ZNF385D: variants seen among roughly 807,000 people sequenced by gnomAD.
ZNF385D encodes zinc finger protein 385D.
A neutral mutation model predicts 35.8 loss-of-function variants in ZNF385D; 15 were observed. The observed-to-expected ratio is 0.42, with a 90% CI of 0.28 to 0.64. ZNF385D has a LOEUF of 0.64. Ranked by LOEUF, ZNF385D falls within the 30% of genes least tolerant of loss-of-function variation. The pLI, the probability that ZNF385D is intolerant of heterozygous loss-of-function variation, is 0.23. For synonymous variants in ZNF385D, 212 were observed against 186.8 expected (o/e 1.13, Z -1.10); for missense variants, 474 against 494.6 (o/e 0.96, Z 0.39).
chr3:21,564,837 C>A (rs893727600), intron 2 of ZNF385D, among the ~76,000 whole-genome samples, 153 bp from the exon 3 acceptor site: 5 of 152,120 alleles, frequency 3.3e-5, no homozygotes, highest in Non-Finnish European at 7.4e-5. Flanking sequence ...AACATTTTTA[C>A]TTTCTTGGAA....
chr3:21,879,558 A>C (rs1003798012), intron 3 of ZNF385D, among the ~76,000 whole-genome samples: 1 of 151,998 alleles, frequency 6.6e-6, no homozygotes, highest in African/African-American at 2.4e-5. Context: ...ATTAAGATGA[A>C]TTTATTACTA....
intron 3 of ZNF385D, among the ~76,000 whole-genome samples, chr3:21,916,892 T>C (rs1700216642): frequency 6.6e-6 from 1 of 152,224 alleles, no homozygotes; most frequent in South Asian, 2.1e-4. Context: ...AATTACCCTA[T>C]GGAAAGATAT....
rs1700550210 is a variant in ZNF385D, at chr3:21,415,471, C to T, written c.*5743G>A. On this transcript the variant is annotated 3_prime_UTR_variant, in exon 8 of 8. Transcript: ENST00000281523. ...AATGCCCCAAAATGATTAAGACTCC[C>T]AAGTGTGACATTGGAGTTCCTTTTG... The T allele has an allele frequency of 1.3e-5, 2 of 152,034 alleles. No homozygotes were observed. Among genetic ancestry groups the T allele is most frequent in the African/African-American group, 4.8e-5 (2 of 41,408 alleles). The allele number at this position is 152,034 out of a possible 1,614,324, so 9.4% of individuals were successfully genotyped here.
intron 3 of ZNF385D, among the ~76,000 whole-genome samples, chr3:22,067,628 T>C (rs533931005): frequency 3.7e-4 from 56 of 152,330 alleles, no homozygotes; most frequent in Middle Eastern, 3.4e-3. Context: ...ATGTATGTTA[T>C]TATACAAACA....
chr3:21,780,374 C>T (rs2071442479), intron 3 of ZNF385D, among the ~76,000 whole-genome samples: 1 of 151,940 alleles, frequency 6.6e-6, no homozygotes, highest in South Asian at 2.1e-4. Context: ...TCACAGTTTA[C>T]TGAGTTTTCC....
intron 3 of ZNF385D, among the ~76,000 whole-genome samples, chr3:21,897,723 T>C (rs772767899): frequency 6.6e-6 from 1 of 152,134 alleles, no homozygotes; most frequent in South Asian, 2.1e-4. Context: ...CCCACCCTAG[T>C]TGCACAGTGG....
intron 2 of ZNF385D, among the ~76,000 whole-genome samples, chr3:21,566,329 A>G (rs901246737): frequency 6.6e-6 from 1 of 152,152 alleles, no homozygotes; most frequent in Non-Finnish European, 1.5e-5. Context: ...ACTTTTAGGT[A>G]TTAACAAATT....
chr3:22,320,331 C>CA (rs1694354725), intron 2 of ZNF385D, among the ~76,000 whole-genome samples: 2 of 151,992 alleles, frequency 1.3e-5, no homozygotes, highest in South Asian at 4.2e-4. Flanking sequence ...TAACTGGTCC[C>CA]AAATTCTTCC....
chr3:22,116,019 G>A (rs945148672), intron 3 of ZNF385D, among the ~76,000 whole-genome samples: 5 of 151,978 alleles, frequency 3.3e-5, no homozygotes, highest in Non-Finnish European at 7.4e-5. Context: ...CATCTCAGAA[G>A]CAGAATTAAC....
At chr3:22,161,847 A>G (rs1047937220) in intron 3 of ZNF385D, among the ~76,000 whole-genome samples, 2 of 152,186 alleles carry the variant, frequency 1.3e-5, no homozygotes, top group African/African-American at 4.8e-5. Context: ...ACCCAAATGT[A>G]TGGTATAATT....
intron 2 of ZNF385D, among the ~76,000 whole-genome samples, chr3:22,335,178 A>T (rs551779975): frequency 6.6e-6 from 1 of 152,256 alleles, no homozygotes; most frequent in Non-Finnish European, 1.5e-5. Context: ...TGATGCTGTT[A>T]TAAGTTCGGC....
chr3:21,484,916 C>G (rs1021522093), intron 4 of ZNF385D, among the ~76,000 whole-genome samples: 1 of 152,012 alleles, frequency 6.6e-6, no homozygotes, highest in African/African-American at 2.4e-5. Context: ...ATATAGGAGG[C>G]AAACAAAACA....
chr3:22,024,022 A>G (rs1167519271), intron 3 of ZNF385D, among the ~76,000 whole-genome samples: 1 of 152,156 alleles, frequency 6.6e-6, no homozygotes, highest in Non-Finnish European at 1.5e-5. Flanking sequence ...GGAGATTAAC[A>G]TTTGAGTAAG....
chr3:22,133,450 C>G (rs992709567), intron 3 of ZNF385D: 4 of 149,768 alleles, frequency 2.7e-5, no homozygotes, highest in African/African-American at 1.0e-4. Context: ...GGTTATATAA[C>G]AGACATATCA....
intron 2 of ZNF385D, among the ~76,000 whole-genome samples, chr3:22,368,947 A>T (rs1287011050): frequency 6.6e-6 from 1 of 152,206 alleles, no homozygotes; most frequent in Non-Finnish European, 1.5e-5. Flanking sequence ...ACTTGTTCAA[A>T]ATATAAATTA....
chr3:22,301,693 C>G (rs1300731852), intron 2 of ZNF385D, among the ~76,000 whole-genome samples: 1 of 152,002 alleles, frequency 6.6e-6, no homozygotes, highest in African/African-American at 2.4e-5. Context: ...GTTGAATCCT[C>G]TACCCTAGCA....
chr3:21,614,734 G>A (rs188243779), intron 2 of ZNF385D, among the ~76,000 whole-genome samples: 4 of 152,164 alleles, frequency 2.6e-5, no homozygotes, highest in African/African-American at 7.2e-5. Context: ...GACTGCAGGC[G>A]AATGCCACCT....
chr3:21,434,998 G>A (rs981031204), intron 5 of ZNF385D, among the ~76,000 whole-genome samples: 6 of 152,204 alleles, frequency 3.9e-5, no homozygotes, highest in Admixed American at 2.0e-4. Flanking sequence ...AGCTCTGCCT[G>A]CAAAACACTG....
intron 3 of ZNF385D, among the ~76,000 whole-genome samples, chr3:21,536,162 G>C (rs1272345900): frequency 6.6e-6 from 1 of 151,980 alleles, no homozygotes; most frequent in East Asian, 1.9e-4. Context: ...TATTTCCCTA[G>C]CTGACAATTG....
Sources: gnomAD v4.1 joint callset for allele counts (sites outside exome capture counted in the v4.1 genomes callset) on GRCh38, gnomAD v4.1.1 for gene constraint, MANE v1.5 for transcripts, NCBI Gene and HGNC (gene_info 2026-07-23, HGNC 2026-07-21) for gene names.